KIAA2012: variants seen among roughly 807,000 people sequenced by gnomAD.
The protein encoded by KIAA2012 is uncharacterized protein KIAA2012.
Under a neutral mutation model 150.6 loss-of-function variants are expected in KIAA2012, and 125 were observed. The ratio of observed to expected loss-of-function variants is 0.83; its 90% CI spans 0.72 to 0.96. KIAA2012 has a LOEUF of 0.96. Among genes scored for constraint, KIAA2012 ranks in the 40% least tolerant of loss-of-function variants. KIAA2012 has a pLI of 0.00. For synonymous variants in KIAA2012, 462 were observed against 504.7 expected, an observed-to-expected ratio of 0.92 and a Z score of 1.13; for missense variants, 1,219 against 1,354.9, an observed-to-expected ratio of 0.90 and a Z score of 1.57.
chr2:202,187,191 A>G (rs895238549), intron 17 of KIAA2012, 93 bp downstream of exon 17: 19 of 1,368,200 alleles, frequency 1.4e-5, no homozygotes, highest in Non-Finnish European at 1.8e-5. Context: ...TCACTATATG[A>G]GGGCACCCGA....
chr2:202,139,127 G>T (rs1691143535), intron 13 of KIAA2012, among the ~76,000 whole-genome samples: 2 of 151,730 alleles, frequency 1.3e-5, no homozygotes, highest in African/African-American at 4.8e-5. Flanking sequence ...TGTGGTCCCA[G>T]CTACTTGGGA....
Position 202,188,243 on chromosome 2 carries a change from A to C in KIAA2012, c.2468A>C (p.Tyr823Ser). 1 of 1,550,294 alleles carries C rather than the reference A, an allele frequency of 6.5e-7. No homozygotes were observed. Residue 823 changes from tyrosine to serine, a missense_variant, in exon 18 of 24, where the codon TAC becomes TCC. Coordinates refer to ENST00000498697, the MANE Select transcript of KIAA2012 (RefSeq NM_001277372.4). ...GPKSEREGKVYGQAEAAIGKS... is the reference protein window; with the variant it reads ...GPKSEREGKVSGQAEAAIGKS... The stretch of plus-strand genomic sequence containing the variant: ...AAAAGCGAGAGAGAAGGAAAGGTCT[A>C]CGGGCAAGCAGAGGCTGCCATTGGT...
chr2:202,139,990 G>A (rs1329004293), intron 13 of KIAA2012, among the ~76,000 whole-genome samples: 1 of 152,194 alleles, frequency 6.6e-6, no homozygotes, highest in Non-Finnish European at 1.5e-5. Flanking sequence ...AGCACTTTGG[G>A]AGGCCAAGGT....
At chr2:202,179,635 G>A in intron 15 of KIAA2012, 1 of 659,064 alleles carries the variant, frequency 1.5e-6, no homozygotes, top group Non-Finnish European at 2.9e-6. Flanking sequence ...GCGGAGAGTA[G>A]CTTCTGTAAT....
chr2:202,081,361 T>C (rs545843456), intron 2 of KIAA2012, among the ~76,000 whole-genome samples: 1 of 152,302 alleles, frequency 6.6e-6, no homozygotes, highest in East Asian at 1.9e-4. Context: ...TTTGTGTATA[T>C]ACCCAGAAGT....
At chr2:202,200,610 TA>T (rs1357842495) in intron 22 of KIAA2012, among the ~76,000 whole-genome samples, 1 of 148,532 alleles carries the variant, frequency 6.7e-6, no homozygotes, top group Non-Finnish European at 1.5e-5. Context: ...GCAAGGGATG[TA>T]AAGGAAAAGG....
chr2:202,201,307 C>G, intron 22 of KIAA2012: 1 of 1,585,500 alleles, frequency 6.3e-7, no homozygotes, highest in South Asian at 1.1e-5. Context: ...GTTAATATGA[C>G]TACAGCAGTT....
intron 14 of KIAA2012, among the ~76,000 whole-genome samples, chr2:202,155,331 G>T (rs1036449674): frequency 1.3e-5 from 2 of 152,186 alleles, no homozygotes; most frequent in African/African-American, 2.4e-5. Context: ...TTTCTATAGT[G>T]AGGGTGGCAT....
rs150468878 is a variant in KIAA2012 at position 202,146,895 on chromosome 2, A to G, written c.1909-7778A>G. On this transcript the variant is annotated intron_variant, in intron 13 of 23. Transcript: ENST00000498697. ...CCTCTCTGAGGCACAGTTTCCTCATAGGGTAATAATATTTCCCTCATGGGG... is the reference window on the plus strand; with the variant it reads ...CCTCTCTGAGGCACAGTTTCCTCATGGGGTAATAATATTTCCCTCATGGGG... 1.9e-3 allele frequency among the ~76,000 whole-genome samples: 282 copies of G among 152,308 alleles called. 1 individual carries two copies. Among genetic ancestry groups the G allele is most frequent in the African/African-American group, 6.5e-3 (271 of 41,566 alleles).
chr2:202,152,497 C>T (rs1007553145), intron 13 of KIAA2012, among the ~76,000 whole-genome samples: 1 of 152,200 alleles, frequency 6.6e-6, no homozygotes, highest in Non-Finnish European at 1.5e-5. Flanking sequence ...ACAAAATCTT[C>T]TCTTGGGGAT....
chr2:202,196,622 A>C (rs1692420189), intron 21 of KIAA2012, among the ~76,000 whole-genome samples, 178 bp from the exon 22 acceptor site: 1 of 152,154 alleles, frequency 6.6e-6, no homozygotes, highest in Admixed American at 6.5e-5. Context: ...AAGGACTCTT[A>C]AATTAGTAAA....
chr2:202,175,653 C>T (rs1027158279), intron 15 of KIAA2012, among the ~76,000 whole-genome samples: 3 of 152,212 alleles, frequency 2.0e-5, no homozygotes, highest in Non-Finnish European at 4.4e-5. Flanking sequence ...TGTCCCCAGA[C>T]ACTGAATGTT....
chr2:202,117,741 G>T (rs574337503), intron 11 of KIAA2012, among the ~76,000 whole-genome samples: 40 of 152,264 alleles, frequency 2.6e-4, no homozygotes, highest in African/African-American at 8.9e-4. Context: ...AAAAGGAAAG[G>T]TTCTAGGGCC....
At chr2:202,110,440 C>T (rs1041509119) in intron 10 of KIAA2012, among the ~76,000 whole-genome samples, 1 of 152,212 alleles carries the variant, frequency 6.6e-6, no homozygotes, top group African/African-American at 2.4e-5. Flanking sequence ...CAAGTTACCC[C>T]TGAAAAATCC....
chr2:202,196,841 G>C lies in KIAA2012; in HGVS notation c.3229G>C (p.Glu1077Gln). 1 of 1,549,978 alleles carries C rather than the reference G, an allele frequency of 6.5e-7. No individual in the cohort carries two copies. The highest frequency in any genetic ancestry group is 1.4e-5 in the African/African-American group (1 of 72,730). ...QRQEELEMQL[E>Q]EEQKHLMEMA... ...GCAAGAGGAATTGGAAATGCAGTTA[G>C]AAGAAGAACAAAAACACCTGATGGA... Residue 1077 changes from glutamate to glutamine, a missense_variant, in exon 22 of 24, where the codon GAA becomes CAA. Physicochemically the swap from Glu to Gln is conservative, Grantham distance 29. Coordinates refer to ENST00000498697, the MANE Select transcript of KIAA2012 (RefSeq NM_001277372.4).
rs181141839 is a variant in KIAA2012, at chr2:202,179,937, C to T, written c.2120-4816C>T. ...ATAGAAGTTGGAATCTTCAACGAAG[C>T]TGGATTTAGGGGGCTTACTCCAACT... On this transcript the variant is annotated intron_variant, in intron 15 of 23. Transcript: ENST00000498697. The T allele has an allele frequency of 3.8e-6, 3 of 797,506 alleles. No individual in the cohort carries two copies. The East Asian group carries it at 1.3e-4, about 34-fold the overall frequency. The allele number at this position is 797,506 out of a possible 1,614,324, so 49.4% of individuals were successfully genotyped here.
intron 22 of KIAA2012, among the ~76,000 whole-genome samples, chr2:202,199,743 G>A (rs1258968060): frequency 6.6e-5 from 10 of 152,042 alleles, no homozygotes. Flanking sequence ...TTGTAGTGAG[G>A]CATTCACAAT....
At chr2:202,136,495 A>G (rs1283924449) in intron 12 of KIAA2012, 3 of 152,484 alleles carry the variant, frequency 2.0e-5, no homozygotes, top group Admixed American at 1.3e-4. Flanking sequence ...AAAGTTCTCC[A>G]AGGCCCCACC....
chr2:202,095,615 A>G (rs1169784792), intron 4 of KIAA2012, among the ~76,000 whole-genome samples: 1 of 152,216 alleles, frequency 6.6e-6, no homozygotes, highest in Non-Finnish European at 1.5e-5. Flanking sequence ...ACCTGTTTCT[A>G]TTAAGCACAA....
Sources: gnomAD v4.1 joint callset for allele counts (sites outside exome capture counted in the v4.1 genomes callset) on GRCh38, gnomAD v4.1.1 for gene constraint, MANE v1.5 for transcripts, NCBI Gene and HGNC (gene_info 2026-07-23, HGNC 2026-07-21) for gene names.